Variants in LIPG observed in about 807,000 individuals in gnomAD.
LIPG encodes the protein endothelial lipase.
A neutral mutation model predicts 51.8 loss-of-function variants in LIPG; 34 were observed. That is an observed-to-expected ratio of 0.66 (90% CI 0.50 to 0.87). The LOEUF (loss-of-function observed/expected upper bound fraction) is 0.87. Ranked by LOEUF, LIPG falls within the 40% of genes least tolerant of loss-of-function variation. The pLI is 0.00. For synonymous variants in LIPG, 246 were observed against 246.1 expected, an observed-to-expected ratio of 1.00 and a Z score of 0.00; for missense variants, 580 against 652.7, an observed-to-expected ratio of 0.89 and a Z score of 1.21.
At chr18:49,578,213 C>T (rs1220842132) in intron 5 of LIPG, among the ~76,000 whole-genome samples, 2 of 147,640 alleles carry the variant, frequency 1.4e-5, no homozygotes, top group Non-Finnish European at 3.0e-5. Context: ...GGAGAGGCTC[C>T]TCACTTCTCA....
At chr18:49,578,331 T>G (rs1287853986) in intron 5 of LIPG, among the ~76,000 whole-genome samples, 2 of 140,384 alleles carry the variant, frequency 1.4e-5, no homozygotes, top group Middle Eastern at 3.5e-3. Context: ...GAGACGCTCC[T>G]CACCTCCCAG....
In LIPG at chr18:49,581,617, C is replaced by A. The variant is rs748093682; in HGVS notation, c.996C>A (p.Ser332Arg). ...NAKKMRNKRNSKMYLKTRAGM... is the reference protein window; with the variant it reads ...NAKKMRNKRNRKMYLKTRAGM... ...AGAAAATGAGGAACAAGAGGAACAGCAAAATGTACCTAAAAACCCGGGCAG... is the reference window on the plus strand; with the variant it reads ...AGAAAATGAGGAACAAGAGGAACAGAAAAATGTACCTAAAAACCCGGGCAG... The change falls in exon 6 of 10, where the codon AGC (serine) becomes AGA (arginine). Residue 332 changes from serine (S) to arginine (R), a missense_variant. Transcript: ENST00000261292. 6.2e-7 allele frequency: 1 copy of A among 1,614,040 alleles called. No individual in the cohort carries two copies. The highest frequency in any genetic ancestry group is 1.7e-5 in the Admixed American group (1 of 60,000).
Position 49,592,365 on chromosome 18 carries a change from G to T in LIPG, c.*1843G>T, listed in dbSNP as rs1358130332. 6.6e-6 allele frequency: 1 copy of T among 152,186 alleles called. No homozygotes were observed. Among genetic ancestry groups the T allele is most frequent in the Non-Finnish European group, 1.5e-5 (1 of 68,044 alleles). 9.4% of individuals were successfully genotyped at this position (152,186 alleles called of 1,614,324 possible). A position where few individuals can be genotyped will look rare whatever the true frequency, so the allele number is the denominator to read the frequency against. On this transcript the variant is annotated 3_prime_UTR_variant, in exon 10 of 10. Coordinates refer to ENST00000261292, the MANE Select transcript of LIPG (RefSeq NM_006033.4). ...TGTTTCAAATTTTAGATTATTTTCA[G>T]ATTTTGGAATGTTTGCATATACATA...
chr18:49,572,112 G>A (rs749964372), intron 4 of LIPG, among the ~76,000 whole-genome samples: 20 of 152,296 alleles, frequency 1.3e-4, no homozygotes, highest in Admixed American at 9.2e-4. Context: ...CTGAGGTCAG[G>A]AGTTCAAGAC....
At chr18:49,581,717 C>T (rs2084822941) in intron 6 of LIPG, 60 bp downstream of exon 6, 3 of 1,592,572 alleles carry the variant, frequency 1.9e-6, no homozygotes, top group Non-Finnish European at 2.6e-6. Flanking sequence ...TTCTTAATAC[C>T]ATGCTGCAGA....
At chr18:49,563,526 CACTT>C (rs1213951050) in intron 1 of LIPG, among the ~76,000 whole-genome samples, 1 of 151,806 alleles carries the variant, frequency 6.6e-6, no homozygotes, top group African/African-American at 2.4e-5. Flanking sequence ...GCCCTTGTGA[CACTT>C]ACATTTCAGT....
chr18:49,565,592 A>C, intron 2 of LIPG, 94 bp downstream of exon 2: 1 of 1,396,516 alleles, frequency 7.2e-7, no homozygotes, highest in Non-Finnish European at 1.0e-6. Flanking sequence ...CCAGATTCCA[A>C]ACCCTCTTCC....
intron 8 of LIPG, among the ~76,000 whole-genome samples, chr18:49,585,088 G>A (rs1056097592): frequency 6.6e-6 from 1 of 152,150 alleles, no homozygotes; most frequent in East Asian, 1.9e-4. Context: ...TTGAGACTGA[G>A]TCTCTCTCTT....
chr18:49,596,928 T>G lies in LIPG; in HGVS notation c.*6406T>G, dbSNP rs115898387. 6.6e-6 allele frequency: 1 copy of G among 152,220 alleles called. No homozygotes were observed. 9.4% of individuals were successfully genotyped at this position (152,220 alleles called of 1,614,324 possible). A position where few individuals can be genotyped will look rare whatever the true frequency, so the allele number is the denominator to read the frequency against. On this transcript the variant is annotated 3_prime_UTR_variant, in exon 10 of 10. Transcript: ENST00000261292. The stretch of plus-strand genomic sequence containing the variant: ...GTAGCTGACTTCCACAAGGGATCTG[T>G]TGGGAGCTTGTAACTGAACTGAAGT...
rs183210226 is a variant in LIPG, at chr18:49,575,986, G to A, written c.793+396G>A. ...CCTGAGTAGCTGGGACTACAGGCAC[G>A]TGCCACCATGCCTGGCTAATTTTGT... On this transcript the variant is annotated intron_variant, in intron 5 of 9. Transcript: ENST00000261292. Among the ~76,000 whole-genome samples the A allele has an allele frequency of 6.3e-3, 957 of 151,784 alleles. 7 individuals carry two copies. The highest frequency in any genetic ancestry group is 0.021 in the African/African-American group (887 of 41,358).
rs764603268 is a variant in LIPG at position 49,581,562 on chromosome 18, A to G, written c.941A>G (p.Asn314Ser). The G allele has an allele frequency of 1.2e-6, 2 of 1,614,220 alleles. No homozygotes were observed. Reference sequence around the variant, plus strand: ...GGGATCTGTCTGAGCTGCCGCAAGAACCGTTGTAATAGCATTGGCTACAAT... The same window carrying G: ...GGGATCTGTCTGAGCTGCCGCAAGAGCCGTTGTAATAGCATTGGCTACAAT... ...KKGICLSCRK[N>S]RCNSIGYNAK... is the part of the protein sequence containing the mutation. The change falls in exon 6 of 10, where the codon AAC (asparagine) becomes AGC (serine). Residue 314 changes from asparagine (N) to serine (S), a missense_variant. Physicochemically the swap from Asn to Ser is conservative, Grantham distance 46 (BLOSUM62 1). Coordinates refer to ENST00000261292, the MANE Select transcript of LIPG (RefSeq NM_006033.4).
chr18:49,579,626 G>A (rs1380865296), intron 5 of LIPG, among the ~76,000 whole-genome samples: 1 of 152,128 alleles, frequency 6.6e-6, no homozygotes, highest in East Asian at 1.9e-4. Flanking sequence ...CCCTCCACAT[G>A]TCCTGCCCTG....
At chr18:49,562,442 C>T in intron 1 of LIPG, 37 bp downstream of exon 1, 40 of 1,550,750 alleles carry the variant, frequency 2.6e-5, no homozygotes, top group Non-Finnish European at 3.6e-5. Flanking sequence ...CCAGCCACTT[C>T]TCTGTGCTGG....
chr18:49,577,837 T>C (rs868259074), intron 5 of LIPG, among the ~76,000 whole-genome samples: 1,169 of 31,906 alleles, frequency 0.037, 1 homozygote, highest in African/African-American at 0.048. Context: ...GCTGGCCGGG[T>C]GGGGGGGCTG....
chr18:49,590,345 C>A (rs1002635463), intron 9 of LIPG, 156 bp from the exon 10 acceptor site: 2 of 829,598 alleles, frequency 2.4e-6, no homozygotes, highest in Non-Finnish European at 4.0e-6. Context: ...CACTCGGGAC[C>A]TTGTCCATTT....
At chr18:49,564,487 A>G (rs1373505636) in intron 1 of LIPG, among the ~76,000 whole-genome samples, 1 of 151,944 alleles carries the variant, frequency 6.6e-6, no homozygotes, top group East Asian at 1.9e-4. Context: ...GGAAGGGGGG[A>G]TTTTTGTTGC....
chr18:49,582,588 C>T, intron 7 of LIPG, 106 bp downstream of exon 7: 3 of 1,445,202 alleles, frequency 2.1e-6, no homozygotes, highest in Non-Finnish European at 2.9e-6. Context: ...CAGGAGAGTG[C>T]AGTCCGACTG....
chr18:49,568,531 C>A (rs2084630719), intron 3 of LIPG, among the ~76,000 whole-genome samples: 1 of 151,566 alleles, frequency 6.6e-6, no homozygotes, highest in African/African-American at 2.4e-5. Flanking sequence ...CAGGTGTGAG[C>A]CACCATGCCC....
chr18:49,571,295 C>T (rs2084660368), intron 4 of LIPG, among the ~76,000 whole-genome samples: 1 of 152,222 alleles, frequency 6.6e-6, no homozygotes, highest in African/African-American at 2.4e-5. Flanking sequence ...ACACCACAGT[C>T]CAGGCCCAGA....
Sources: gnomAD v4.1 joint callset for allele counts (sites outside exome capture counted in the v4.1 genomes callset) on GRCh38, gnomAD v4.1.1 for gene constraint, MANE v1.5 for transcripts, NCBI Gene and HGNC (gene_info 2026-07-23, HGNC 2026-07-21) for gene names.